The following PTPRD variants were observed in gnomAD, a reference collection of about 807,000 sequenced individuals.
The protein encoded by PTPRD is receptor-type tyrosine-protein phosphatase delta.
In PTPRD, 34 loss-of-function variants were observed where a neutral mutation model predicts 214.5. The ratio of observed to expected loss-of-function variants is 0.16; its 90% CI spans 0.12 to 0.21. The LOEUF (loss-of-function observed/expected upper bound fraction) is 0.21. PTPRD is among the 10% of genes least tolerant of loss of function. The pLI is 1.00. For synonymous variants in PTPRD, 1,128 were observed against 845.7 expected (o/e 1.33, Z -5.79); for missense variants, 2,545 against 2,398.7 (o/e 1.06, Z -1.27).
chr9:8,545,316 C>T (rs182056080), intron 14 of PTPRD, among the ~76,000 whole-genome samples: 9 of 152,236 alleles, frequency 5.9e-5, no homozygotes, highest in East Asian at 1.9e-4. Flanking sequence ...TTCAGTTTTT[C>T]GTGATTCCAA....
chr9:9,623,637 A>G (rs190418542), intron 7 of PTPRD, among the ~76,000 whole-genome samples: 22 of 152,334 alleles, frequency 1.4e-4, no homozygotes, highest in Admixed American at 1.4e-3. Flanking sequence ...AATCAATTAC[A>G]TGGTTACTCC....
At chr9:9,196,182 C>T (rs2099938503) in intron 9 of PTPRD, among the ~76,000 whole-genome samples, 1 of 152,140 alleles carries the variant, frequency 6.6e-6, no homozygotes, top group African/African-American at 2.4e-5. Context: ...CATTGTGAAA[C>T]TCACACGATC....
At chr9:10,594,622 G>A (rs1185383432) in intron 2 of PTPRD, among the ~76,000 whole-genome samples, 1 of 151,956 alleles carries the variant, frequency 6.6e-6, no homozygotes, top group Non-Finnish European at 1.5e-5. Context: ...TAATGAGAAC[G>A]AATGGCTTAC....
At chr9:9,452,712 G>A (rs1286681647) in intron 8 of PTPRD, among the ~76,000 whole-genome samples, 5 of 151,060 alleles carry the variant, frequency 3.3e-5, no homozygotes, top group Non-Finnish European at 7.4e-5. Flanking sequence ...AAAAGTTAAA[G>A]TCAATTATCA....
intron 11 of PTPRD, among the ~76,000 whole-genome samples, chr9:8,749,785 G>T (rs1389932473): frequency 6.6e-6 from 1 of 152,108 alleles, no homozygotes; most frequent in Non-Finnish European, 1.5e-5. Flanking sequence ...ATAGGGACAA[G>T]AGACTTATAA....
chr9:8,591,674 A>C (rs2094117872), intron 14 of PTPRD, among the ~76,000 whole-genome samples: 1 of 152,190 alleles, frequency 6.6e-6, no homozygotes, highest in African/African-American at 2.4e-5. Flanking sequence ...AGTTGGCTAA[A>C]TTACCAAGTC....
intron 4 of PTPRD, among the ~76,000 whole-genome samples, chr9:9,941,008 A>G (rs1603166574): frequency 6.6e-6 from 1 of 152,258 alleles, no homozygotes; most frequent in East Asian, 1.9e-4. Flanking sequence ...CACACCAGAA[A>G]AAAAAAGAGT....
intron 44 of PTPRD, among the ~76,000 whole-genome samples, chr9:8,321,479 GTGTGTGTGTATA>G (rs1293986716): frequency 8.1e-4 from 47 of 58,094 alleles, no homozygotes; most frequent in Admixed American, 3.6e-3. Flanking sequence ...GTGTGTGTGT[GTGTGTGTGTATA>G]TATATATATA....
At chr9:9,537,886 TC>T (rs1201019788) in intron 8 of PTPRD, among the ~76,000 whole-genome samples, 2 of 152,020 alleles carry the variant, frequency 1.3e-5, no homozygotes, top group African/African-American at 4.8e-5. Context: ...TTAATTTTTT[TC>T]ATATTTAAAT....
chr9:8,934,452 T>TATATATATAA (rs2098978044), intron 11 of PTPRD, among the ~76,000 whole-genome samples: 2 of 9,494 alleles, frequency 2.1e-4, no homozygotes, highest in African/African-American at 1.3e-3. Context: ...TATATAAATT[T>TATATATATAA]ATATATATAT....
In PTPRD at chr9:9,428,160, G is replaced by A. The variant is rs548583886; in HGVS notation, c.-236-30678C>T. Reference sequence around the variant, plus strand: ...AAGACCCATCAGTGTGCTATACTCAGGAGATCCATCTCACGTGCAGAGACA... The same window carrying A: ...AAGACCCATCAGTGTGCTATACTCAAGAGATCCATCTCACGTGCAGAGACA... On this transcript the variant is annotated intron_variant, in intron 8 of 45. Transcript: ENST00000381196. Among the ~76,000 whole-genome samples the A allele has an allele frequency of 6.6e-4, 101 of 152,204 alleles. 1 individual carries two copies. The highest frequency in any genetic ancestry group is 2.4e-3 in the African/African-American group (98 of 41,506).
intron 2 of PTPRD, among the ~76,000 whole-genome samples, chr9:10,545,880 A>G (rs992654427): frequency 6.6e-6 from 1 of 152,158 alleles, no homozygotes; most frequent in African/African-American, 2.4e-5. Context: ...AACACAAGGC[A>G]CAGCAGAAGC....
chr9:9,395,862 G>T (rs1265827116), intron 9 of PTPRD, among the ~76,000 whole-genome samples: 1 of 152,034 alleles, frequency 6.6e-6, no homozygotes, highest in Non-Finnish European at 1.5e-5. Flanking sequence ...TTATGGTTAG[G>T]ACTATCTACC....
intron 11 of PTPRD, among the ~76,000 whole-genome samples, chr9:8,766,410 C>T (rs1315840310): frequency 3.9e-5 from 6 of 152,088 alleles, no homozygotes; most frequent in African/African-American, 1.4e-4. Context: ...AGGGTCAGGT[C>T]CCCAATTTGC....
At chr9:8,637,217 T>G (rs370102660) in intron 12 of PTPRD, among the ~76,000 whole-genome samples, 6 of 152,324 alleles carry the variant, frequency 3.9e-5, no homozygotes, top group African/African-American at 1.2e-4. Context: ...TAGCGCTTGC[T>G]TTGATGCCAC....
intron 2 of PTPRD, among the ~76,000 whole-genome samples, chr9:10,598,173 T>C (rs1195945368): frequency 1.3e-5 from 2 of 151,728 alleles, no homozygotes; most frequent in African/African-American, 4.8e-5. Context: ...AACTGTAGAG[T>C]ATCAGTGTTG....
chr9:8,632,626 TCATAGCTTTATTCTC>T (rs1230424577), intron 14 of PTPRD, among the ~76,000 whole-genome samples: 4 of 151,950 alleles, frequency 2.6e-5, no homozygotes, highest in Non-Finnish European at 4.4e-5. Context: ...ACAGTCTTCA[TCATAGCTTTATTCTC>T]CAGCACTCTC....
chr9:9,592,643 A>T (rs2092851432), intron 7 of PTPRD, among the ~76,000 whole-genome samples: 1 of 152,054 alleles, frequency 6.6e-6, no homozygotes, highest in Non-Finnish European at 1.5e-5. Context: ...AGGAAGTGCC[A>T]ATTTCCTGGT....
chr9:9,257,814 G>C (rs1569565855), intron 9 of PTPRD, among the ~76,000 whole-genome samples: 1 of 151,800 alleles, frequency 6.6e-6, no homozygotes, highest in African/African-American at 2.4e-5. Context: ...CCAGGGCAAA[G>C]AAAATGCCAA....
Sources: gnomAD v4.1 joint callset for allele counts (sites outside exome capture counted in the v4.1 genomes callset) on GRCh38, gnomAD v4.1.1 for gene constraint, MANE v1.5 for transcripts, NCBI Gene and HGNC (gene_info 2026-07-23, HGNC 2026-07-21) for gene names.